Variants in GLB1 observed in about 807,000 individuals in gnomAD.
GLB1 encodes the protein galactosidase beta 1.
Under a neutral mutation model 74.0 loss-of-function variants are expected in GLB1, and 56 were observed. The ratio of observed to expected loss-of-function variants is 0.76; its 90% CI spans 0.61 to 0.94. The LOEUF (loss-of-function observed/expected upper bound fraction) is 0.94, where lower values mean the gene tolerates loss of function less well. Among genes scored for constraint, GLB1 ranks in the 40% least tolerant of loss-of-function variants. GLB1 has a pLI of 0.00. For missense variants in GLB1, 787 were observed against 845.5 expected (o/e 0.93, Z 0.86); for synonymous variants, 323 against 323.6 (o/e 1.00, Z 0.02).
chr3:32,992,911 C>T (rs542857844), downstream of GLB1, among the ~76,000 whole-genome samples: 9 of 152,322 alleles, frequency 5.9e-5, no homozygotes, highest in African/African-American at 1.9e-4. Flanking sequence ...GGAAGTATTG[C>T]TCAGTCAGAC....
rs541920336 is a variant in GLB1, at chr3:33,068,738, G to T, written c.396+82C>A. The stretch of plus-strand genomic sequence containing the variant: ...AGGCCCCATGCTCTCTGGAATGCAG[G>T]TCTGCTTTAATTCCCTTTGCCCCAG... On this transcript the variant is annotated intron_variant, in intron 3 of 15. Transcript: ENST00000307363. The T allele has an allele frequency of 3.7e-6, 6 of 1,609,716 alleles. No individual in the cohort carries two copies. In the South Asian group the frequency reaches 6.6e-5, roughly 18 times the overall value.
At chr3:33,006,243 C>A (rs1696783080) in intron 15 of GLB1, among the ~76,000 whole-genome samples, 1 of 152,152 alleles carries the variant, frequency 6.6e-6, no homozygotes, top group Non-Finnish European at 1.5e-5. Flanking sequence ...GGTGAGCGAG[C>A]ATTACTGCCT....
intron 1 of GLB1, among the ~76,000 whole-genome samples, chr3:33,084,644 A>G (rs1236228119): frequency 6.6e-6 from 1 of 152,250 alleles, no homozygotes; most frequent in Non-Finnish European, 1.5e-5. Context: ...CCCAATCCTC[A>G]CGGACTCTGG....
rs767562424 is a variant in GLB1 at position 33,072,600 on chromosome 3, G to C, written c.189C>G (p.Phe63Leu). Residue 63 changes from phenylalanine (F) to leucine (L), a missense_variant, in exon 2 of 16, where the codon TTC becomes TTG. Physicochemically the swap from Phe to Leu is conservative, Grantham distance 22 (BLOSUM62 0). Coordinates refer to ENST00000307363, the MANE Select transcript of GLB1 (RefSeq NM_000404.4). Reference sequence around the variant, plus strand: ...TCTTCAGCAGCCGGTCCTTCCAGTAGAAGCGGGGCACACGGGAGTAGTGAA... The same window carrying C: ...TCTTCAGCAGCCGGTCCTTCCAGTACAAGCGGGGCACACGGGAGTAGTGAA... ...GSIHYSRVPR[F>L]YWKDRLLKMK... 1 of 1,614,088 alleles carries C rather than the reference G, an allele frequency of 6.2e-7. No individual in the cohort carries two copies. Among genetic ancestry groups the C allele is most frequent in the Admixed American group, 1.7e-5 (1 of 60,024 alleles).
the GLB1 span, among the ~76,000 whole-genome samples, chr3:32,972,874 C>G: frequency 5.9e-5 from 9 of 152,190 alleles, no homozygotes; most frequent in African/African-American, 1.9e-4. Flanking sequence ...TTTTCTGTGG[C>G]TAGTAAGCCT....
chr3:33,045,974 T>A, intron 10 of GLB1, 146 bp downstream of exon 10: 8 of 1,141,996 alleles, frequency 7.0e-6, no homozygotes, highest in Non-Finnish European at 8.8e-6. Flanking sequence ...GGGTACAAGA[T>A]GCAAACCCAA....
At position 33,093,707 on chromosome 3, in the gene GLB1, C is replaced by G; in HGVS notation, c.75+3304G>C. On this transcript the variant is annotated intron_variant, in intron 1 of 15. Transcript: ENST00000307363. This position sits in a 1 kb window ranked among gnomAD's most constrained non-coding sequence, Gnocchi z 6.0. ...CTCCCACTGCCAGGGCAGGCCTGAG[C>G]ACGAGCTTCCTTGTCTTCTCAAGGC... 3 of 1,614,146 alleles carry G rather than the reference C, an allele frequency of 1.9e-6. No homozygotes were observed. The highest frequency in any genetic ancestry group is 2.2e-5 in the East Asian group (1 of 44,884).
chr3:32,980,510 C>G, the GLB1 span, among the ~76,000 whole-genome samples: 7 of 152,176 alleles, frequency 4.6e-5, no homozygotes, highest in Non-Finnish European at 1.0e-4. Flanking sequence ...AAACTATATC[C>G]TAAAATCCTT....
intron 1 of GLB1, chr3:33,077,596 A>C (rs1700163602): frequency 2.4e-6 from 1 of 424,934 alleles, no homozygotes; most frequent in Non-Finnish European, 3.6e-6. Context: ...TGACTACTAC[A>C]GTATAGTTTT....
intron 12 of GLB1, 73 bp downstream of exon 12, chr3:33,021,493 G>T: frequency 3.3e-6 from 5 of 1,509,244 alleles, no homozygotes; most frequent in Non-Finnish European, 4.5e-6. Context: ...TTCAGAATGG[G>T]CACTGCAAGG....
At chr3:33,052,044 T>C (rs1236346332) in intron 7 of GLB1, 40 bp from the exon 8 acceptor site, 8 of 1,609,984 alleles carry the variant, frequency 5.0e-6, no homozygotes, top group Admixed American at 1.7e-5. Context: ...GATAGACTTA[T>C]GACCTTCCAA....
intron 10 of GLB1, 63 bp downstream of exon 10, chr3:33,046,057 A>G (rs1698726727): frequency 6.3e-7 from 1 of 1,575,754 alleles, no homozygotes; most frequent in South Asian, 1.1e-5. Context: ...CCACAGAGCC[A>G]CAGTGAGTTC....
intron 1 of GLB1, among the ~76,000 whole-genome samples, chr3:33,074,870 G>C (rs1164144943): frequency 6.6e-6 from 1 of 152,178 alleles, no homozygotes. Context: ...ATGAGTCCTA[G>C]ATCACACATG....
intron 2 of GLB1, among the ~76,000 whole-genome samples, chr3:33,069,876 G>A (rs141226915): frequency 0.021 from 3,258 of 152,180 alleles, 87 homozygotes; most frequent in East Asian, 0.075. Flanking sequence ...GGTAAATTGC[G>A]TGTCATGGGG....
chr3:33,072,517 G>A (rs1448652075), intron 2 of GLB1, 27 bp downstream of exon 2: 1 of 1,612,272 alleles, frequency 6.2e-7, no homozygotes, highest in African/African-American at 1.3e-5. Context: ...TCAGGCCTAG[G>A]TGAGAGCCAC....
intron 15 of GLB1, among the ~76,000 whole-genome samples, chr3:33,001,620 G>C (rs1696572448): frequency 6.6e-6 from 1 of 152,054 alleles, no homozygotes; most frequent in Non-Finnish European, 1.5e-5. Flanking sequence ...GCTATTTCCA[G>C]CTATAACACA....
chr3:32,962,814 G>C, the GLB1 span, among the ~76,000 whole-genome samples: 4 of 151,748 alleles, frequency 2.6e-5, no homozygotes, highest in African/African-American at 4.8e-5. Context: ...TCCAGCACTA[G>C]GCCAGAAAAG....
intron 15 of GLB1, 95 bp downstream of exon 15, chr3:33,013,961 C>T (rs1481494268): frequency 9.4e-6 from 15 of 1,598,394 alleles, no homozygotes; most frequent in Admixed American, 3.4e-5. Flanking sequence ...AACCATCACA[C>T]GATATCTCAC....
chr3:33,076,861 A>C (rs1042147744), intron 1 of GLB1, among the ~76,000 whole-genome samples: 2 of 152,196 alleles, frequency 1.3e-5, no homozygotes, highest in Admixed American at 1.3e-4. Flanking sequence ...TCCCCTTCAC[A>C]TAAAAACTGT....
Sources: allele counts gnomAD v4.1 joint callset (sites outside exome capture counted in the v4.1 genomes callset), GRCh38; gene constraint gnomAD v4.1.1; non-coding constraint Gnocchi (gnomAD v3.1); transcripts MANE v1.5; gene names NCBI Gene and HGNC (gene_info 2026-07-23, HGNC 2026-07-21).